Variants in SDK1 observed in about 807,000 individuals in gnomAD.
The protein encoded by SDK1 is protein sidekick-1.
SDK1 carries 157 observed loss-of-function variants against 245.5 expected under a neutral mutation model. The observed-to-expected ratio is 0.64, with a 90% CI of 0.56 to 0.73. The LOEUF (loss-of-function observed/expected upper bound fraction) is 0.73. Among genes scored for constraint, SDK1 ranks in the 30% least tolerant of loss-of-function variants. The pLI, the probability that SDK1 is intolerant of heterozygous loss-of-function variation, is 0.00. For missense variants in SDK1, 3,583 were observed against 3,002.3 expected (o/e 1.19, Z -4.52); for synonymous variants, 1,647 against 1,278.5 (o/e 1.29, Z -6.15).
At chr7:3,395,737 T>C (rs1028029808) in intron 1 of SDK1, among the ~76,000 whole-genome samples, 4 of 151,918 alleles carry the variant, frequency 2.6e-5, no homozygotes, top group Middle Eastern at 3.2e-3. Context: ...CGTGACTTTT[T>C]AGGAATTTGT....
At chr7:3,433,932 T>C (rs903437779) in intron 1 of SDK1, among the ~76,000 whole-genome samples, 6 of 152,168 alleles carry the variant, frequency 3.9e-5, no homozygotes, top group African/African-American at 1.4e-4. Context: ...TATTAATAAG[T>C]TTAACTTTTG....
chr7:4,075,895 C>T (rs898089092), intron 20 of SDK1, among the ~76,000 whole-genome samples: 3 of 152,056 alleles, frequency 2.0e-5, no homozygotes, highest in Non-Finnish European at 4.4e-5. Context: ...TCAGGTGGTC[C>T]ACCCGCCTTG....
intron 22 of SDK1, among the ~76,000 whole-genome samples, chr7:4,106,704 TTC>T (rs1491313394): frequency 1.3e-5 from 2 of 152,124 alleles, no homozygotes; most frequent in African/African-American, 4.8e-5. Flanking sequence ...TTGCTGTGCT[TTC>T]CCCCACTCTC....
At chr7:4,139,479 ATGTGTGTGTATATATGTG>A (rs1779343586) in intron 28 of SDK1, among the ~76,000 whole-genome samples, 3 of 99,048 alleles carry the variant, frequency 3.0e-5, no homozygotes, top group African/African-American at 1.5e-4. Context: ...GTGTGTGTAT[ATGTGTGTGTATATATGTG>A]TGTGTGTATA....
rs953408036 is a variant in SDK1 at position 3,649,840 on chromosome 7, G to T, written c.713+7735G>T. 3.3e-5 allele frequency among the ~76,000 whole-genome samples: 5 copies of T among 152,074 alleles called. No individual in the cohort carries two copies. The South Asian group carries it at 1.0e-3, about 32-fold the overall frequency. On this transcript the variant is annotated intron_variant, in intron 4 of 44. Transcript: ENST00000404826. The stretch of plus-strand genomic sequence containing the variant: ...TGCAAGATGGGAAGGAGCCAGCCCT[G>T]TAGAGCCCCAGAGGATGAGTGTTCT...
At chr7:3,668,831 A>G (rs772639293) in intron 4 of SDK1, among the ~76,000 whole-genome samples, 6 of 152,208 alleles carry the variant, frequency 3.9e-5, no homozygotes, top group Non-Finnish European at 8.8e-5. Context: ...TTTTATGATG[A>G]GCCTTGGGAG....
At chr7:4,190,163 C>T (rs146745958) in intron 35 of SDK1, among the ~76,000 whole-genome samples, 91 of 152,236 alleles carry the variant, frequency 6.0e-4, no homozygotes, top group Middle Eastern at 6.8e-3. Flanking sequence ...GTCGCAACCC[C>T]GACTCCACAG....
intron 4 of SDK1, among the ~76,000 whole-genome samples, chr7:3,720,571 A>T (rs1396407344): frequency 1.3e-5 from 2 of 152,250 alleles, no homozygotes; most frequent in East Asian, 1.9e-4. Flanking sequence ...AAAAAAGTTG[A>T]TAGCACCAGA....
chr7:3,640,567 A>C (rs2128651613), intron 3 of SDK1, among the ~76,000 whole-genome samples: 1 of 152,350 alleles, frequency 6.6e-6, no homozygotes, highest in Non-Finnish European at 1.5e-5. Flanking sequence ...AATAGAGTGA[A>C]GACGAATACC....
intron 1 of SDK1, among the ~76,000 whole-genome samples, chr7:3,422,025 G>A (rs763924102): frequency 3.3e-5 from 5 of 152,044 alleles, no homozygotes; most frequent in Non-Finnish European, 7.4e-5. Flanking sequence ...ATAGCAGACC[G>A]GATGGTTCTC....
chr7:3,453,298 A>G (rs1396988574), intron 1 of SDK1, among the ~76,000 whole-genome samples: 1 of 152,214 alleles, frequency 6.6e-6, no homozygotes, highest in Non-Finnish European at 1.5e-5. Context: ...TAAGGGATGC[A>G]GAGCCCTGGT....
intron 1 of SDK1, among the ~76,000 whole-genome samples, chr7:3,348,572 G>A (rs1780568910): frequency 6.6e-6 from 1 of 152,144 alleles, no homozygotes. Flanking sequence ...AAGACGCAGG[G>A]CGGTGAAAAC....
At chr7:4,220,649 C>A (rs546617962) in intron 39 of SDK1, among the ~76,000 whole-genome samples, 1 of 151,916 alleles carries the variant, frequency 6.6e-6, no homozygotes, top group Non-Finnish European at 1.5e-5. Context: ...CTGTTCTGCC[C>A]TTTGTTTAAA....
intron 1 of SDK1, among the ~76,000 whole-genome samples, chr7:3,485,569 A>G (rs2128603439): frequency 6.6e-6 from 1 of 152,056 alleles, no homozygotes; most frequent in Admixed American, 6.5e-5. Context: ...TTTCTTGTTA[A>G]GCTAAAACCA....
At chr7:3,455,703 T>C (rs566113731) in intron 1 of SDK1, among the ~76,000 whole-genome samples, 1 of 152,306 alleles carries the variant, frequency 6.6e-6, no homozygotes, top group South Asian at 2.1e-4. Context: ...GCCTTAGTAT[T>C]GGATAGAGTG....
At chr7:3,767,715 A>G (rs1780295058) in intron 4 of SDK1, among the ~76,000 whole-genome samples, 1 of 152,160 alleles carries the variant, frequency 6.6e-6, no homozygotes, top group Non-Finnish European at 1.5e-5. Context: ...TAGAATCTGA[A>G]CCCAGGCTGT....
intron 14 of SDK1, among the ~76,000 whole-genome samples, chr7:3,999,746 G>A (rs912664580): frequency 2.0e-5 from 3 of 152,200 alleles, no homozygotes; most frequent in Admixed American, 6.5e-5. Flanking sequence ...AACTAATAAT[G>A]TATTTTTAAG....
intron 1 of SDK1, among the ~76,000 whole-genome samples, chr7:3,478,442 G>GGT (rs1428663172): frequency 6.6e-6 from 1 of 151,464 alleles, no homozygotes; most frequent in African/African-American, 2.4e-5. Context: ...ACATAACTAT[G>GGT]GTAATTATTA....
intron 22 of SDK1, 84 bp from the exon 23 acceptor site, chr7:4,110,579 G>A (rs1783274138): frequency 2.1e-6 from 2 of 962,094 alleles, no homozygotes; most frequent in Non-Finnish European, 3.3e-6. Flanking sequence ...CAGCTCACCA[G>A]GTACCAGCAG....
Sources: allele counts gnomAD v4.1 joint callset (sites outside exome capture counted in the v4.1 genomes callset), GRCh38; gene constraint gnomAD v4.1.1; transcripts MANE v1.5; gene names NCBI Gene and HGNC (gene_info 2026-07-23, HGNC 2026-07-21).